PMS1: variants seen among roughly 807,000 people sequenced by gnomAD.
The protein encoded by PMS1 is PMS1 protein homolog 1.
PMS1 carries 79 observed loss-of-function variants against 93.1 expected under a neutral mutation model. That is an observed-to-expected ratio of 0.85 (90% CI 0.71 to 1.02). PMS1 has a LOEUF of 1.02. PMS1 is among the 50% of genes least tolerant of loss of function. The pLI, the probability that PMS1 is intolerant of heterozygous loss-of-function variation, is 0.00. For synonymous variants in PMS1, 335 were observed against 363.4 expected (o/e 0.92, Z 0.89); for missense variants, 1,064 against 1,085.3 (o/e 0.98, Z 0.28).
chr2:189,838,641 G>A (rs57920919), intron 5 of PMS1, among the ~76,000 whole-genome samples: 1 of 152,066 alleles, frequency 6.6e-6, no homozygotes, highest in African/African-American at 2.4e-5. Context: ...TAGTCTGTCC[G>A]TTTTCTCTTT....
intron 9 of PMS1, among the ~76,000 whole-genome samples, chr2:189,857,706 A>G (rs5743147): frequency 6.6e-6 from 1 of 152,060 alleles, no homozygotes; most frequent in Non-Finnish European, 1.5e-5. Context: ...CACAGATAAA[A>G]CATACTTTCC....
chr2:189,845,490 A>C (rs965324414), intron 6 of PMS1, among the ~76,000 whole-genome samples: 7 of 151,800 alleles, frequency 4.6e-5, no homozygotes, highest in African/African-American at 1.5e-4. Context: ...TTAATGAAAA[A>C]GTTTTCTTCA....
intron 4 of PMS1, chr2:189,806,876 GA>G: frequency 4.7e-6 from 1 of 213,300 alleles, no homozygotes; most frequent in Non-Finnish European, 9.5e-6. Flanking sequence ...TATTAGATCT[GA>G]AAAGGGACTT....
In PMS1 at chr2:189,791,903, T is replaced by C; in HGVS notation, c.94T>C (p.Ser32Pro). 1 of 1,614,030 alleles carries C rather than the reference T, an allele frequency of 6.2e-7. No individual in the cohort carries two copies. ...VSVVKELIEN[S>P]LDAGATSVDV... The stretch of plus-strand genomic sequence containing the variant: ...TGTTGTAAAAGAGCTTATTGAAAAC[T>C]CCTTGGATGCTGGTGCCACAAGCGT... The change falls in exon 2 of 13, where the codon TCC (serine) becomes CCC (proline). Residue 32 changes from serine (S) to proline (P), a missense_variant. Coordinates refer to ENST00000441310, the MANE Select transcript of PMS1 (RefSeq NM_000534.5).
intron 9 of PMS1, among the ~76,000 whole-genome samples, chr2:189,862,709 G>A (rs982465107): frequency 6.6e-6 from 1 of 152,134 alleles, no homozygotes; most frequent in Non-Finnish European, 1.5e-5. Context: ...TTTCAATTTT[G>A]TTCTTGGACC....
intron 1 of PMS1, among the ~76,000 whole-genome samples, chr2:189,787,433 GA>G (rs925304292): frequency 6.0e-5 from 9 of 150,768 alleles, no homozygotes; most frequent in African/African-American, 2.0e-4. Context: ...TGTACAGCAG[GA>G]AAAAAAAAGT....
chr2:189,826,450 CTTT>C (rs76322920), intron 5 of PMS1, among the ~76,000 whole-genome samples: 5 of 126,084 alleles, frequency 4.0e-5, no homozygotes, highest in African/African-American at 1.1e-4. Flanking sequence ...GGTTTGGGGT[CTTT>C]TTTTTTTTTT....
intron 4 of PMS1, among the ~76,000 whole-genome samples, chr2:189,815,975 C>G (rs75310601): frequency 0.024 from 3,591 of 152,266 alleles, 93 homozygotes; most frequent in East Asian, 0.13. Context: ...ACAGTCATAG[C>G]TCACTGCAGC....
intron 5 of PMS1, among the ~76,000 whole-genome samples, chr2:189,823,896 A>T (rs1306627810): frequency 1.3e-5 from 2 of 152,250 alleles, no homozygotes; most frequent in East Asian, 3.8e-4. Flanking sequence ...AACTAAACAC[A>T]GTGTAGTCCA....
intron 9 of PMS1, among the ~76,000 whole-genome samples, chr2:189,863,498 C>CCAA (rs1317480303): frequency 6.6e-6 from 1 of 152,154 alleles, no homozygotes; most frequent in Non-Finnish European, 1.5e-5. Context: ...AGGTGATCTG[C>CCAA]CAACCTCAGC....
intron 5 of PMS1, among the ~76,000 whole-genome samples, chr2:189,840,556 A>G (rs544899770): frequency 6.6e-6 from 1 of 152,242 alleles, no homozygotes; most frequent in East Asian, 1.9e-4. Flanking sequence ...CTTTGAAAGC[A>G]ATAATAGTGA....
At chr2:189,819,482 A>C (rs2051632739) in intron 5 of PMS1, among the ~76,000 whole-genome samples, 1 of 152,118 alleles carries the variant, frequency 6.6e-6, no homozygotes, top group Non-Finnish European at 1.5e-5. Flanking sequence ...GGTTATACTA[A>C]TTTACATTCC....
chr2:189,822,960 A>G (rs79831338), intron 5 of PMS1, among the ~76,000 whole-genome samples: 2,423 of 152,294 alleles, frequency 0.016, 67 homozygotes, highest in African/African-American at 0.056. Flanking sequence ...GACTGAGAAA[A>G]CATTGTAATA....
At chr2:189,799,507 A>C (rs886452651) in intron 3 of PMS1, among the ~76,000 whole-genome samples, 1 of 152,200 alleles carries the variant, frequency 6.6e-6, no homozygotes, top group Non-Finnish European at 1.5e-5. Flanking sequence ...TTAGTTCTTT[A>C]TGTTCTTGAA....
At chr2:189,785,192 AAG>A (rs1360797846) in intron 1 of PMS1, among the ~76,000 whole-genome samples, 1 of 152,232 alleles carries the variant, frequency 6.6e-6, no homozygotes, top group Non-Finnish European at 1.5e-5. Context: ...AAATTGACTT[AAG>A]AGAATGTTGG....
chr2:189,850,021 C>T (rs2054573611), intron 6 of PMS1, among the ~76,000 whole-genome samples: 1 of 152,012 alleles, frequency 6.6e-6, no homozygotes, highest in Admixed American at 6.6e-5. Flanking sequence ...TGTTTCTGAT[C>T]CTAGACCACA....
chr2:189,830,159 C>T (rs945436745), intron 5 of PMS1, among the ~76,000 whole-genome samples: 1 of 152,176 alleles, frequency 6.6e-6, no homozygotes, highest in Non-Finnish European at 1.5e-5. Flanking sequence ...CTGTTCAGCC[C>T]TGTTGTTGTA....
intron 6 of PMS1, among the ~76,000 whole-genome samples, chr2:189,849,896 G>T (rs2054563564): frequency 7.0e-6 from 1 of 142,760 alleles, no homozygotes; most frequent in Non-Finnish European, 1.5e-5. Flanking sequence ...TGGAGAAGAG[G>T]TGCTATATGA....
At chr2:189,830,355 C>T (rs550709273) in intron 5 of PMS1, among the ~76,000 whole-genome samples, 24 of 151,728 alleles carry the variant, frequency 1.6e-4, no homozygotes, top group Admixed American at 9.2e-4. Context: ...TCAGGACTGT[C>T]GCATTTGTAG....
Sources: allele counts gnomAD v4.1 joint callset (sites outside exome capture counted in the v4.1 genomes callset), GRCh38; gene constraint gnomAD v4.1.1; transcripts MANE v1.5; gene names NCBI Gene and HGNC (gene_info 2026-07-23, HGNC 2026-07-21).